Variants in CXCL13 observed in about 807,000 individuals in gnomAD.
The protein encoded by CXCL13 is C-X-C motif chemokine ligand 13.
In CXCL13, 7 loss-of-function variants were observed where a neutral mutation model predicts 12.2. The ratio of observed to expected loss-of-function variants is 0.57; its 90% CI spans 0.33 to 1.07. The LOEUF (loss-of-function observed/expected upper bound fraction) is 1.07. CXCL13 is among the 50% of genes least tolerant of loss of function. CXCL13 has a pLI of 0.04. For missense variants in CXCL13, 113 were observed against 127.4 expected (o/e 0.89, Z 0.55); for synonymous variants, 47 against 42.4 (o/e 1.11, Z -0.42).
At chr4:77,522,046 C>G (rs1724614358) in intron 1 of CXCL13, among the ~76,000 whole-genome samples, 1 of 152,124 alleles carries the variant, frequency 6.6e-6, no homozygotes, top group African/African-American at 2.4e-5. Context: ...ATCCTGAGTT[C>G]TAATTTGATT....
intron 1 of CXCL13, among the ~76,000 whole-genome samples, chr4:77,525,904 T>A (rs895976412): frequency 7.1e-6 from 1 of 140,044 alleles, no homozygotes; most frequent in African/African-American, 3.0e-5. Context: ...GTAGGCTTTT[T>A]TTAAATTGTG....
chr4:77,524,481 T>G (rs578134241), intron 1 of CXCL13, among the ~76,000 whole-genome samples: 1 of 152,242 alleles, frequency 6.6e-6, no homozygotes, highest in Non-Finnish European at 1.5e-5. Context: ...CACAGTTCGA[T>G]CTCAGGCTGT....
At chr4:77,588,500 C>A (rs1019209250) in intron 1 of CXCL13, among the ~76,000 whole-genome samples, 5 of 152,220 alleles carry the variant, frequency 3.3e-5, no homozygotes, top group African/African-American at 1.2e-4. Context: ...TGTAGCACAT[C>A]ACTGACAATG....
intron 1 of CXCL13, among the ~76,000 whole-genome samples, chr4:77,528,471 T>A (rs547734982): frequency 5.3e-5 from 8 of 152,246 alleles, no homozygotes; most frequent in Non-Finnish European, 8.8e-5. Flanking sequence ...ATTGCCATTC[T>A]AAGTGGTGTG....
At chr4:77,550,349 C>T (rs561013706) in intron 1 of CXCL13, among the ~76,000 whole-genome samples, 5 of 152,300 alleles carry the variant, frequency 3.3e-5, no homozygotes, top group East Asian at 3.9e-4. Context: ...GGGCTGCTCC[C>T]ACTGTCCAGC....
intron 1 of CXCL13, among the ~76,000 whole-genome samples, chr4:77,569,516 C>T (rs956709572): frequency 4.6e-5 from 7 of 152,084 alleles, no homozygotes; most frequent in Non-Finnish European, 1.0e-4. Context: ...CCATTCCCAA[C>T]TGCCACACAC....
chr4:77,546,408 A>G (rs1725364982), intron 1 of CXCL13, among the ~76,000 whole-genome samples: 1 of 152,186 alleles, frequency 6.6e-6, no homozygotes, highest in Non-Finnish European at 1.5e-5. Context: ...GCTATTAATT[A>G]TCACCTCAAT....
chr4:77,587,234 T>A (rs1262108478), intron 1 of CXCL13, among the ~76,000 whole-genome samples: 1 of 152,188 alleles, frequency 6.6e-6, no homozygotes, highest in Non-Finnish European at 1.5e-5. Context: ...GAACATTCCC[T>A]TTGGTTAACT....
At chr4:77,561,177 TG>T (rs1324680202) in intron 1 of CXCL13, among the ~76,000 whole-genome samples, 2 of 152,220 alleles carry the variant, frequency 1.3e-5, no homozygotes, top group Non-Finnish European at 2.9e-5. Flanking sequence ...AATTTTAGAA[TG>T]GTTTGAAACC....
At chr4:77,579,123 G>A (rs539390060) in intron 1 of CXCL13, among the ~76,000 whole-genome samples, 2 of 152,276 alleles carry the variant, frequency 1.3e-5, no homozygotes, top group South Asian at 4.1e-4. Context: ...CTGGATTGTG[G>A]AGAAGAGCTG....
At chr4:77,541,350 G>A (rs1488114139) in intron 1 of CXCL13, among the ~76,000 whole-genome samples, 4 of 152,026 alleles carry the variant, frequency 2.6e-5, no homozygotes, top group Admixed American at 6.6e-5. Context: ...CAGAATGGTG[G>A]TTCCTAGGTT....
At chr4:77,574,941 T>C (rs979358567) in intron 1 of CXCL13, among the ~76,000 whole-genome samples, 1 of 151,970 alleles carries the variant, frequency 6.6e-6, no homozygotes, top group South Asian at 2.1e-4. Context: ...GTAGATGTTG[T>C]CAAAATGTAA....
At chr4:77,529,823 G>A (rs1296126295) in intron 1 of CXCL13, among the ~76,000 whole-genome samples, 1 of 152,172 alleles carries the variant, frequency 6.6e-6, no homozygotes, top group Non-Finnish European at 1.5e-5. Flanking sequence ...TTGAATAGGA[G>A]TGGTGAGAGA....
intron 1 of CXCL13, among the ~76,000 whole-genome samples, chr4:77,525,996 G>A (rs906117676): frequency 5.3e-5 from 8 of 150,230 alleles, no homozygotes; most frequent in Non-Finnish European, 7.4e-5. Context: ...GACAAACAAT[G>A]AGCAGCTAAA....
At chr4:77,546,387 T>C (rs1036349160) in intron 1 of CXCL13, among the ~76,000 whole-genome samples, 3 of 152,192 alleles carry the variant, frequency 2.0e-5, no homozygotes, top group Non-Finnish European at 4.4e-5. Context: ...CTGGACTTTT[T>C]TGGTTGGTAG....
intron 1 of CXCL13, among the ~76,000 whole-genome samples, chr4:77,515,581 A>T (rs1044979143): frequency 2.6e-5 from 4 of 152,108 alleles, no homozygotes; most frequent in Non-Finnish European, 5.9e-5. Flanking sequence ...TGTGAATGGG[A>T]GTTCACTCAT....
chr4:77,607,272 G>A (rs1354853000), intron 1 of CXCL13, among the ~76,000 whole-genome samples: 10 of 152,170 alleles, frequency 6.6e-5, no homozygotes, highest in Non-Finnish European at 5.9e-5. Context: ...ACTATCACCT[G>A]AGTACAAATA....
intron 1 of CXCL13, among the ~76,000 whole-genome samples, chr4:77,536,986 T>C (rs760774878): frequency 6.6e-6 from 1 of 152,186 alleles, no homozygotes; most frequent in Non-Finnish European, 1.5e-5. Context: ...TGGTCTTCTC[T>C]TCCCAGCTTC....
intron 1 of CXCL13, among the ~76,000 whole-genome samples, chr4:77,545,049 A>G (rs565883316): frequency 1.3e-5 from 2 of 152,212 alleles, no homozygotes; most frequent in South Asian, 2.1e-4. Flanking sequence ...CAAAGATCTG[A>G]TGGTTGTAGA....
Sources: allele counts gnomAD v4.1 joint callset (sites outside exome capture counted in the v4.1 genomes callset), GRCh38; gene constraint gnomAD v4.1.1; transcripts MANE v1.5; gene names NCBI Gene and HGNC (gene_info 2026-07-23, HGNC 2026-07-21).